The following DUS1L variants were observed in gnomAD, a reference collection of about 807,000 sequenced individuals.
DUS1L encodes tRNA-dihydrouridine(16/17) synthase [NAD(P)(+)]-like.
Under a neutral mutation model 61.2 loss-of-function variants are expected in DUS1L, and 56 were observed. The ratio of observed to expected loss-of-function variants is 0.92; its 90% CI spans 0.74 to 1.14. The LOEUF is 1.14. DUS1L is among the 50% of genes most tolerant of loss of function. The pLI, the probability that DUS1L is intolerant of heterozygous loss-of-function variation, is 0.00. For missense variants in DUS1L, 630 were observed against 632.4 expected, an observed-to-expected ratio of 1.00 and a Z score of 0.04; for synonymous variants, 278 against 259.5, an observed-to-expected ratio of 1.07 and a Z score of -0.69.
chr17:82,060,829 C>A, intron 9 of DUS1L, 36 bp downstream of exon 9: 1 of 1,611,786 alleles, frequency 6.2e-7, no homozygotes. Context: ...CCCTCACCCC[C>A]TGCAAGGCCG....
rs938157123 is a variant in DUS1L, at chr17:82,060,759, C to T, written c.964G>A (p.Ala322Thr). 2 of 1,612,686 alleles carry T rather than the reference C, an allele frequency of 1.2e-6. No individual in the cohort carries two copies. The highest frequency in any genetic ancestry group is 1.7e-6 in the Non-Finnish European group (2 of 1,179,788). The change falls in exon 10 of 14, where the codon GCG becomes ACG. Residue 322 changes from alanine (A) to threonine (T), a missense_variant. Physicochemically the swap from Ala to Thr is moderately conservative, Grantham distance 58. Transcript: ENST00000306796. ...AAGGGCAAGTCGCCGGTGGGCTTCG[C>T]TCCCTCCTGCCTGGATATCTCCTCC... ...CQEEISRQEGAKPTGDLPFHW... is the reference protein window; with the variant it reads ...CQEEISRQEGTKPTGDLPFHW...
intron 10 of DUS1L, 37 bp from the exon 11 acceptor site, chr17:82,060,130 G>A: frequency 1.3e-6 from 2 of 1,598,862 alleles, no homozygotes; most frequent in Non-Finnish European, 1.7e-6. Context: ...CAAGGACACT[G>A]TGAGAGGGGC....
chr17:82,065,488 G>C (rs1053093418), intron 1 of DUS1L, 125 bp downstream of exon 1: 1 of 164,852 alleles, frequency 6.1e-6, no homozygotes, highest in Non-Finnish European at 1.3e-5. Context: ...CTCCGCACCC[G>C]GCCAGGCGGC....
At chr17:82,061,516 C>A in intron 7 of DUS1L, 102 bp downstream of exon 7, 1 of 1,436,430 alleles carries the variant, frequency 7.0e-7, no homozygotes, top group Non-Finnish European at 9.5e-7. Context: ...CATCTGTGAA[C>A]AGCACCATGG....
rs371806859 is a variant in DUS1L at position 82,064,095 on chromosome 17, C to G, written c.346+31G>C. 54 of 1,595,460 alleles carry G rather than the reference C, an allele frequency of 3.4e-5. No homozygotes were observed. In the African/African-American group the frequency reaches 6.7e-4, roughly 20 times the overall value. The stretch of plus-strand genomic sequence containing the variant: ...ACTGAGCTGGCTCTGGCCCCTGCCC[C>G]AGGTGCCCCCATGCTCCACATGGAG... On this transcript the variant is annotated intron_variant, in intron 3 of 13. Transcript: ENST00000306796.
rs748604411 is a variant in DUS1L, at chr17:82,057,758, G to C, written c.*357C>G. On this transcript the variant is annotated 3_prime_UTR_variant, in exon 14 of 14. Coordinates refer to ENST00000306796, the MANE Select transcript of DUS1L (RefSeq NM_022156.5). The stretch of plus-strand genomic sequence containing the variant: ...CTAAGCCCCCACTTTTGTCTACCCA[G>C]ATGCTGCCTTCATTTAGATGTATCC... 1 of 212,176 alleles carries C rather than the reference G, an allele frequency of 4.7e-6. No homozygotes were observed. Among genetic ancestry groups the C allele is most frequent in the Non-Finnish European group, 9.5e-6 (1 of 105,296 alleles). The allele number at this position is 212,176 out of a possible 1,614,324, so 13.1% of individuals were successfully genotyped here.
chr17:82,061,407 C>T, intron 7 of DUS1L, 54 bp from the exon 8 acceptor site: 1 of 1,537,540 alleles, frequency 6.5e-7, no homozygotes, highest in East Asian at 2.3e-5. Flanking sequence ...AGGTGGACGG[C>T]ACAGGAAAGC....
At chr17:82,059,703 G>T (rs2033364671) in intron 11 of DUS1L, 1 of 546,784 alleles carries the variant, frequency 1.8e-6, no homozygotes, top group Non-Finnish European at 3.2e-6. Flanking sequence ...TGGCTGAAAA[G>T]CTTGTCCCAT....
At chr17:82,058,508 GCCAGAT>G (rs779307705) in intron 12 of DUS1L, 92 bp from the exon 13 acceptor site, 2 of 1,470,716 alleles carry the variant, frequency 1.4e-6, no homozygotes, top group Non-Finnish European at 1.8e-6. Context: ...GGAAGCCTCT[GCCAGAT>G]GCCCACGGCC....
rs1388424547 is a variant in DUS1L, at chr17:82,060,464, C to A, written c.1022+237G>T. The stretch of plus-strand genomic sequence containing the variant: ...TGTTATGGAAGAAAAGATTTAAAAT[C>A]CGAGCGTCCACTGAGGGAGGACACA... On this transcript the variant is annotated intron_variant, in intron 10 of 13. Coordinates refer to ENST00000306796, the MANE Select transcript of DUS1L (RefSeq NM_022156.5). 10 of 595,600 alleles carry A rather than the reference C, an allele frequency of 1.7e-5. No individual in the cohort carries two copies. The East Asian group carries it at 2.8e-4, about 17-fold the overall frequency. 36.9% of individuals were successfully genotyped at this position (595,600 alleles called of 1,614,324 possible).
chr17:82,058,063 T>C lies in DUS1L; in HGVS notation c.*52A>G. ...CCTGAGTAAAAGGCATTTTCTTAAG[T>C]AGGACGTGTCCAGGCTCCAGCAGCA... On this transcript the variant is annotated 3_prime_UTR_variant, in exon 14 of 14. Coordinates refer to ENST00000306796, the MANE Select transcript of DUS1L (RefSeq NM_022156.5). The C allele has an allele frequency of 6.8e-7, 1 of 1,471,028 alleles. No individual in the cohort carries two copies. The highest frequency in any genetic ancestry group is 9.0e-7 in the Non-Finnish European group (1 of 1,109,090). 91.1% of individuals were successfully genotyped at this position (1,471,028 alleles called of 1,614,324 possible).
chr17:82,064,050 C>T, intron 3 of DUS1L, 76 bp downstream of exon 3: 1 of 1,338,818 alleles, frequency 7.5e-7, no homozygotes, highest in Non-Finnish European at 1.0e-6. Flanking sequence ...GTCCTCCAAG[C>T]TCACCACACC....
chr17:82,064,171 C>T lies in DUS1L; in HGVS notation c.301G>A (p.Ala101Thr), dbSNP rs970210360. 5.0e-6 allele frequency: 8 copies of T among 1,612,770 alleles called. No homozygotes were observed. Among genetic ancestry groups the T allele is most frequent in the East Asian group, 2.2e-5 (1 of 44,888 alleles). The change falls in exon 3 of 14, where the codon GCC (alanine) becomes ACC (threonine). Residue 101 changes from alanine (A) to threonine (T), a missense_variant. By Grantham distance (58) the Ala-to-Thr change is moderately conservative. Transcript: ENST00000306796. ...AALLAQDYCD[A>T]IDLNLGCPQM... ...GGGCAGCCCAAGTTCAGGTCAATGGCGTCACAGTAATCCTGAGCCAGGAGA... is the reference window on the plus strand; with the variant it reads ...GGGCAGCCCAAGTTCAGGTCAATGGTGTCACAGTAATCCTGAGCCAGGAGA...
At position 82,057,608 on chromosome 17, in the gene DUS1L, A is replaced by G. The variant is rs557843854; in HGVS notation, c.*507T>C. 5.7e-5 allele frequency: 15 copies of G among 264,486 alleles called. No homozygotes were observed. In the East Asian group the frequency reaches 1.1e-3, roughly 20 times the overall value. The allele number at this position is 264,486 out of a possible 1,614,324, so 16.4% of individuals were successfully genotyped here. ...ATGAGAAGCCTGGCCCTCAGATTCAACAGCCCCCAGCAGCAGCCACTGTGG... is the reference window on the plus strand; with the variant it reads ...ATGAGAAGCCTGGCCCTCAGATTCAGCAGCCCCCAGCAGCAGCCACTGTGG... On this transcript the variant is annotated 3_prime_UTR_variant, in exon 14 of 14. Transcript: ENST00000306796.
intron 12 of DUS1L, 25 bp from the exon 13 acceptor site, chr17:82,058,441 C>T (rs757370937): frequency 1.4e-6 from 2 of 1,481,294 alleles, no homozygotes; most frequent in Non-Finnish European, 1.8e-6. Context: ...TCTCGGGAGC[C>T]TGTGGCCAGC....
In DUS1L at chr17:82,061,652, G is replaced by A. The variant is rs2033503979; in HGVS notation, c.663C>T (p.Leu221=). 1 of 1,612,760 alleles carries A rather than the reference G, an allele frequency of 6.2e-7. No homozygotes were observed. The highest frequency in any genetic ancestry group is 8.5e-7 in the Non-Finnish European group (1 of 1,179,930). ...TGACGCCCTGCACACCCGTGTCCCG[G>A]AGGCAGCGCTCCACGTCCTGCAGGC... The part of the protein sequence containing the change: ...IQCLQDVERC[L]RDTGVQGVMS... The change falls in exon 7 of 14, where the codon CTC becomes CTT. Residue 221 remains leucine, a synonymous_variant. Transcript: ENST00000306796.
chr17:82,058,390 G>A lies in DUS1L; in HGVS notation c.1233C>T (p.Cys411=). The A allele has an allele frequency of 6.7e-7, 1 of 1,490,616 alleles. No individual in the cohort carries two copies. Among genetic ancestry groups the A allele is most frequent in the Non-Finnish European group, 8.9e-7 (1 of 1,117,958 alleles). 92.3% of individuals were successfully genotyped at this position (1,490,616 alleles called of 1,614,324 possible). ...AGGCTCGCTTCTTGCAGCAGCCGCG[G>A]CACAGGCTGAACACACATCTGTTGC... ...PKGNRCVFSL[C]RGCCKKRASK... The change falls in exon 13 of 14, where the codon TGC becomes TGT. Residue 411 remains cysteine, a synonymous_variant. Transcript: ENST00000306796.
rs1039379730 is a variant in DUS1L, at chr17:82,057,864, A to C, written c.*251T>G. 70 of 371,850 alleles carry C rather than the reference A, an allele frequency of 1.9e-4. No homozygotes were observed. Among genetic ancestry groups the C allele is most frequent in the African/African-American group, 1.4e-3 (67 of 47,900 alleles). The allele number at this position is 371,850 out of a possible 1,614,324, so 23.0% of individuals were successfully genotyped here. On this transcript the variant is annotated 3_prime_UTR_variant, in exon 14 of 14. Transcript: ENST00000306796. ...CTGGGTCTGAGAGGGCAGTGGTCAC[A>C]GGCTGTGGGCTCTCGCATCTTTGAA...
chr17:82,063,403 A>C, intron 4 of DUS1L, 65 bp downstream of exon 4: 1 of 1,608,858 alleles, frequency 6.2e-7, no homozygotes, highest in East Asian at 2.2e-5. Flanking sequence ...AACCAAGTGG[A>C]CAGTGCCCAT....
Sources: gnomAD v4.1 joint callset for allele counts on GRCh38, gnomAD v4.1.1 for gene constraint, MANE v1.5 for transcripts, NCBI Gene and HGNC (gene_info 2026-07-23, HGNC 2026-07-21) for gene names.